The following CDK5RAP2 variants were observed in gnomAD, a reference collection of about 807,000 sequenced individuals.
CDK5RAP2 encodes the protein CDK5 regulatory subunit associated protein 2.
CDK5RAP2 carries 147 observed loss-of-function variants against 232.9 expected under a neutral mutation model. That is an observed-to-expected ratio of 0.63 (90% CI 0.55 to 0.72). The LOEUF (loss-of-function observed/expected upper bound fraction) is 0.72. Ranked by LOEUF, CDK5RAP2 falls within the 30% of genes least tolerant of loss-of-function variation. The pLI, the probability that CDK5RAP2 is intolerant of heterozygous loss-of-function variation, is 0.00. For missense variants in CDK5RAP2, 2,195 were observed against 2,231.5 expected, an observed-to-expected ratio of 0.98 and a Z score of 0.33; for synonymous variants, 833 against 833.7, an observed-to-expected ratio of 1.00 and a Z score of 0.01.
intron 27 of CDK5RAP2, among the ~76,000 whole-genome samples, chr9:120,418,018 T>C (rs958945002): frequency 3.3e-5 from 5 of 152,234 alleles, no homozygotes; most frequent in Non-Finnish European, 7.3e-5. Context: ...AAAATGATGT[T>C]ATGTAATAAC....
intron 23 of CDK5RAP2, among the ~76,000 whole-genome samples, chr9:120,442,633 T>G (rs1349411134): frequency 2.6e-5 from 4 of 152,192 alleles, no homozygotes; most frequent in African/African-American, 9.7e-5. Context: ...CAAGAAGAAA[T>G]CAAAAGATGT....
intron 2 of CDK5RAP2, among the ~76,000 whole-genome samples, chr9:120,569,474 A>G (rs1271169320): frequency 6.8e-6 from 1 of 146,716 alleles, no homozygotes; most frequent in Non-Finnish European, 1.5e-5. Context: ...TCTCAATGAG[A>G]AGGTGACATC....
At chr9:120,438,004 C>A (rs757408356) in intron 24 of CDK5RAP2, among the ~76,000 whole-genome samples, 9 of 152,198 alleles carry the variant, frequency 5.9e-5, no homozygotes, top group Non-Finnish European at 1.3e-4. Flanking sequence ...TAGGACCTGT[C>A]AGTAACTGAA....
intron 26 of CDK5RAP2, 38 bp from the exon 27 acceptor site, chr9:120,419,998 G>A (rs752907742): frequency 6.5e-7 from 1 of 1,543,770 alleles, no homozygotes; most frequent in East Asian, 2.2e-5. Flanking sequence ...CATCTCCCAT[G>A]CTAAAATCCC....
At chr9:120,457,815 C>A (rs2036866268) in intron 20 of CDK5RAP2, among the ~76,000 whole-genome samples, 1 of 152,118 alleles carries the variant, frequency 6.6e-6, no homozygotes, top group Admixed American at 6.5e-5. Flanking sequence ...ATCACAGCAA[C>A]CCTAAGAAGT....
chr9:120,434,346 G>A lies in CDK5RAP2; in HGVS notation c.3955+2949C>T, dbSNP rs150992320. ...TGGGGAGGGGAAGCAGGAGAGGGTG[G>A]GGCGGCAGAAGTAAGGAGAGAGTGC... On this transcript the variant is annotated intron_variant, in intron 25 of 37. Transcript: ENST00000349780. Among the ~76,000 whole-genome samples the A allele has an allele frequency of 5.3e-5, 8 of 152,250 alleles. No individual in the cohort carries two copies. In the East Asian group the frequency reaches 1.4e-3, roughly 26 times the overall value.
chr9:120,572,105 G>GTC, intron 1 of CDK5RAP2, 64 bp from the exon 2 acceptor site: 4 of 1,241,280 alleles, frequency 3.2e-6, no homozygotes, highest in Non-Finnish European at 4.8e-6. Flanking sequence ...TGTTAAGACG[G>GTC]TCTGGACTGC....
At chr9:120,411,326 T>G (rs767240551) in intron 29 of CDK5RAP2, 32 bp downstream of exon 29, 2 of 1,322,946 alleles carry the variant, frequency 1.5e-6, no homozygotes, top group African/African-American at 2.9e-5. Flanking sequence ...GCTTTGGCGT[T>G]CCAGACTTCC....
chr9:120,481,981 C>T (rs544634724), intron 14 of CDK5RAP2, among the ~76,000 whole-genome samples: 6 of 152,348 alleles, frequency 3.9e-5, no homozygotes, highest in African/African-American at 1.4e-4. Flanking sequence ...GCTCCAAGTG[C>T]TATACTAGCT....
At chr9:120,462,051 A>C (rs1381177025) in intron 18 of CDK5RAP2, among the ~76,000 whole-genome samples, 1 of 152,228 alleles carries the variant, frequency 6.6e-6, no homozygotes, top group Non-Finnish European at 1.5e-5. Flanking sequence ...GTTGTGGAAG[A>C]AAAACAAAAC....
intron 35 of CDK5RAP2, among the ~76,000 whole-genome samples, chr9:120,395,431 G>A (rs944043579): frequency 2.0e-5 from 3 of 152,230 alleles, no homozygotes; most frequent in Non-Finnish European, 4.4e-5. Flanking sequence ...AAACTCTTCT[G>A]GTTTTCCAGA....
chr9:120,491,466 A>G lies in CDK5RAP2; in HGVS notation c.1323T>C (p.Asn441=), dbSNP rs762962414. ...CTTCATTGCGTAATTTTTCAACTTC[A>G]TTTCTAAGATCCTACCAGAAGAAAA... ...KGDCTIRDLR[N]EVEKLRNEVN... The change falls in exon 13 of 38, where the codon AAT becomes AAC. Residue 441 remains asparagine, a synonymous_variant. Transcript: ENST00000349780. The G allele has an allele frequency of 2.5e-6, 4 of 1,609,336 alleles. No homozygotes were observed. The East Asian group carries it at 8.9e-5, about 36-fold the overall frequency.
At chr9:120,415,286 A>C in intron 27 of CDK5RAP2, 127 bp from the exon 28 acceptor site, 1 of 1,062,054 alleles carries the variant, frequency 9.4e-7, no homozygotes, top group Non-Finnish European at 1.4e-6. Context: ...GCAACTGGCA[A>C]TTCTTTCCTA....
At position 120,467,318 on chromosome 9, in the gene CDK5RAP2, C is replaced by T. The variant is rs564400540; in HGVS notation, c.2106+542G>A. On this transcript the variant is annotated intron_variant, in intron 18 of 37. Transcript: ENST00000349780. ...TCTCCAGATCCGTCTGAGACCACAT[C>T]GCTCATCCAGATGTGTGCCATCTGC... Among the ~76,000 whole-genome samples, 3 of 152,334 alleles carry T rather than the reference C, an allele frequency of 2.0e-5. No homozygotes were observed. The East Asian group carries it at 5.8e-4, about 29-fold the overall frequency.
At chr9:120,407,433 T>C (rs2033535523) in intron 31 of CDK5RAP2, 185 bp from the exon 32 acceptor site, 1 of 632,934 alleles carries the variant, frequency 1.6e-6, no homozygotes, top group Non-Finnish European at 2.8e-6. Flanking sequence ...ATTGCTGCTA[T>C]TCCACACGCT....
chr9:120,414,937 A>G (rs1186447313), intron 28 of CDK5RAP2, 103 bp downstream of exon 28: 9 of 1,389,710 alleles, frequency 6.5e-6, no homozygotes, highest in African/African-American at 1.4e-5. Context: ...AAAAATGAAC[A>G]TTTATCAAGC....
intron 35 of CDK5RAP2, among the ~76,000 whole-genome samples, chr9:120,397,563 AAAG>A (rs564972078): frequency 0.033 from 3,966 of 121,524 alleles, 120 homozygotes; most frequent in African/African-American, 0.083. Flanking sequence ...AAAAAAAAAA[AAAG>A]AAAAAAGAAA....
At chr9:120,438,181 G>A (rs528310962) in intron 24 of CDK5RAP2, among the ~76,000 whole-genome samples, 5 of 152,214 alleles carry the variant, frequency 3.3e-5, no homozygotes, top group South Asian at 2.1e-4. Flanking sequence ...CCTTTTTACC[G>A]TCATGTGCCA....
At chr9:120,536,274 G>T in intron 7 of CDK5RAP2, 98 bp downstream of exon 7, 1 of 1,332,974 alleles carries the variant, frequency 7.5e-7, no homozygotes, top group Non-Finnish European at 1.1e-6. Context: ...GGGAAACATG[G>T]GGAGAAGGGA....
Sources: allele counts gnomAD v4.1 joint callset (sites outside exome capture counted in the v4.1 genomes callset), GRCh38; gene constraint gnomAD v4.1.1; transcripts MANE v1.5; gene names NCBI Gene and HGNC (gene_info 2026-07-23, HGNC 2026-07-21).